The following DPP10 variants were observed in gnomAD, a reference collection of about 807,000 sequenced individuals.
DPP10 encodes dipeptidyl peptidase like 10.
A neutral mutation model predicts 120.9 loss-of-function variants in DPP10; 33 were observed. That is an observed-to-expected ratio of 0.27 (90% CI 0.21 to 0.37). The LOEUF is 0.37. Ranked by LOEUF, DPP10 falls within the 10% of genes least tolerant of loss-of-function variation. DPP10 has a pLI of 1.00. For missense variants in DPP10, 816 were observed against 942.8 expected, an observed-to-expected ratio of 0.87 and a Z score of 1.76; for synonymous variants, 337 against 326.1, an observed-to-expected ratio of 1.03 and a Z score of -0.36.
At chr2:114,597,753 G>T (rs574098188) in intron 1 of DPP10, among the ~76,000 whole-genome samples, 1 of 151,856 alleles carries the variant, frequency 6.6e-6, no homozygotes, top group South Asian at 2.1e-4. Flanking sequence ...TGGTATCTTT[G>T]CCTCCTTTTG....
intron 1 of DPP10, among the ~76,000 whole-genome samples, chr2:114,523,509 T>A (rs1247590167): frequency 6.6e-6 from 1 of 152,228 alleles, no homozygotes; most frequent in Non-Finnish European, 1.5e-5. Flanking sequence ...TAGCTTTCCC[T>A]GTCACTGACT....
rs2086444827 is a variant in DPP10 at position 115,637,560 on chromosome 2, A to G, written c.442-52127A>G. On this transcript the variant is annotated intron_variant, in intron 5 of 25. Transcript: ENST00000410059. ...TAAAGATTGAGGAATAGGTAAACCA[A>G]TGAAATATATTGTTAGGAGAGCATT... Among the ~76,000 whole-genome samples, 4 of 152,340 alleles carry G rather than the reference A, an allele frequency of 2.6e-5. No homozygotes were observed. In the South Asian group the frequency reaches 8.3e-4, roughly 32 times the overall value.
At chr2:114,518,382 C>T (rs1684781514) in intron 1 of DPP10, among the ~76,000 whole-genome samples, 1 of 152,038 alleles carries the variant, frequency 6.6e-6, no homozygotes, top group Non-Finnish European at 1.5e-5. Flanking sequence ...AGGGCCTATT[C>T]ATTGTTTTTT....
At chr2:114,746,166 A>G (rs1359880886) in intron 1 of DPP10, among the ~76,000 whole-genome samples, 1 of 152,068 alleles carries the variant, frequency 6.6e-6, no homozygotes, top group African/African-American at 2.4e-5. Flanking sequence ...CCTCTTTCCT[A>G]GTCCCTGTTT....
intron 1 of DPP10, among the ~76,000 whole-genome samples, chr2:114,775,215 A>G (rs1681620267): frequency 6.6e-6 from 1 of 152,160 alleles, no homozygotes; most frequent in Non-Finnish European, 1.5e-5. Flanking sequence ...ACCCAACTTG[A>G]TGCAGGCTAA....
At chr2:114,568,390 T>A (rs1007056093) in intron 1 of DPP10, among the ~76,000 whole-genome samples, 1 of 152,218 alleles carries the variant, frequency 6.6e-6, no homozygotes, top group African/African-American at 2.4e-5. Context: ...GAGGTCATTA[T>A]GTTAAGTAAA....
chr2:115,054,035 G>T (rs1705706359), intron 1 of DPP10, among the ~76,000 whole-genome samples: 1 of 152,044 alleles, frequency 6.6e-6, no homozygotes, highest in South Asian at 2.1e-4. Flanking sequence ...CTTCAGATTT[G>T]AATACAAAAA....
intron 1 of DPP10, among the ~76,000 whole-genome samples, chr2:115,256,069 A>G (rs1390056678): frequency 6.6e-6 from 1 of 152,206 alleles, no homozygotes; most frequent in Non-Finnish European, 1.5e-5. Context: ...CTGCTAATAA[A>G]GACATACATG....
intron 1 of DPP10, among the ~76,000 whole-genome samples, chr2:114,485,877 G>T (rs1382175801): frequency 6.6e-6 from 1 of 152,082 alleles, no homozygotes; most frequent in Non-Finnish European, 1.5e-5. Context: ...GATTAGAGAT[G>T]GGAAACGTGC....
chr2:115,717,728 C>A (rs2092540316), intron 7 of DPP10, among the ~76,000 whole-genome samples: 2 of 152,290 alleles, frequency 1.3e-5, no homozygotes, highest in African/African-American at 4.8e-5. Context: ...TCAGGAAAAT[C>A]TGATGAGGTT....
At chr2:115,438,750 G>C (rs1357920323) in intron 3 of DPP10, among the ~76,000 whole-genome samples, 1 of 150,764 alleles carries the variant, frequency 6.6e-6, no homozygotes, top group Non-Finnish European at 1.5e-5. Context: ...GCACAATGTG[G>C]AATAGTGGCT....
chr2:115,519,963 CAGGTA>C (rs1028311576), intron 4 of DPP10, among the ~76,000 whole-genome samples: 10 of 152,116 alleles, frequency 6.6e-5, no homozygotes, highest in African/African-American at 2.4e-4. Context: ...ATATTTTTGT[CAGGTA>C]TCAAAAAACT....
chr2:115,271,964 T>G (rs1208323370), intron 1 of DPP10, among the ~76,000 whole-genome samples: 4 of 152,232 alleles, frequency 2.6e-5, no homozygotes, highest in Non-Finnish European at 5.9e-5. Flanking sequence ...TTAAAATCCT[T>G]TTAGAGTTTT....
At position 114,587,944 on chromosome 2, in the gene DPP10, C is replaced by T. The variant is rs147402937; in HGVS notation, c.60+145106C>T. ...ATATTGATTTATTACATGAAGGTTA[C>T]AGGCCTAACACAAAAGTCAAAATGA... On this transcript the variant is annotated intron_variant, in intron 1 of 25. Coordinates refer to ENST00000410059, the MANE Select transcript of DPP10 (RefSeq NM_020868.6). 2.0e-4 allele frequency among the ~76,000 whole-genome samples: 30 copies of T among 152,318 alleles called. 1 individual carries two copies. The East Asian group carries it at 5.6e-3, about 28-fold the overall frequency.
chr2:115,203,353 T>C (rs935140899), intron 1 of DPP10, among the ~76,000 whole-genome samples: 5 of 152,138 alleles, frequency 3.3e-5, no homozygotes, highest in Non-Finnish European at 5.9e-5. Context: ...ACATCTCCAC[T>C]GGAGATGAGC....
intron 3 of DPP10, among the ~76,000 whole-genome samples, chr2:115,484,523 C>A (rs2075647772): frequency 6.6e-6 from 1 of 152,092 alleles, no homozygotes; most frequent in African/African-American, 2.4e-5. Context: ...CCAATGAAAG[C>A]AAGGGACCTC....
chr2:115,780,041 C>A (rs1335662338), intron 15 of DPP10, among the ~76,000 whole-genome samples: 1 of 151,828 alleles, frequency 6.6e-6, no homozygotes, highest in Non-Finnish European at 1.5e-5. Flanking sequence ...AATATACGAC[C>A]AAAAATCATG....
chr2:115,739,397 G>A lies in DPP10; in HGVS notation c.698-342G>A, dbSNP rs967668185. ...TGCAAATATGATTACATGCAAATGT[G>A]AATGAATCATGACATGGATATGGTT... On this transcript the variant is annotated intron_variant, in intron 8 of 25. Transcript: ENST00000410059. Among the ~76,000 whole-genome samples the A allele has an allele frequency of 1.1e-4, 17 of 152,116 alleles. No individual in the cohort carries two copies. In the East Asian group the frequency reaches 3.3e-3, roughly 29 times the overall value.
At chr2:114,992,768 G>A (rs1700822885) in intron 1 of DPP10, among the ~76,000 whole-genome samples, 2 of 152,120 alleles carry the variant, frequency 1.3e-5, no homozygotes, top group East Asian at 1.9e-4. Context: ...AAGAGAAAAA[G>A]CAAACATAAC....
Sources: gnomAD v4.1 joint callset for allele counts (sites outside exome capture counted in the v4.1 genomes callset) on GRCh38, gnomAD v4.1.1 for gene constraint, MANE v1.5 for transcripts, NCBI Gene and HGNC (gene_info 2026-07-23, HGNC 2026-07-21) for gene names.